The following GPR158 variants were observed in gnomAD, a reference collection of about 807,000 sequenced individuals.
GPR158 encodes G protein-coupled receptor 158, also known as metabotropic glycine receptor.
In GPR158, 30 loss-of-function variants were observed where a neutral mutation model predicts 78.2. That is an observed-to-expected ratio of 0.38 (90% CI 0.29 to 0.52). The LOEUF (loss-of-function observed/expected upper bound fraction) is 0.52. GPR158 is among the 20% of genes least tolerant of loss of function. GPR158 has a pLI of 0.83. For missense variants in GPR158, 1,463 were observed against 1,523.5 expected, an observed-to-expected ratio of 0.96 and a Z score of 0.66; for synonymous variants, 581 against 591.1, an observed-to-expected ratio of 0.98 and a Z score of 0.25.
At chr10:25,223,676 C>G (rs1252878628) in intron 2 of GPR158, among the ~76,000 whole-genome samples, 20 of 152,110 alleles carry the variant, frequency 1.3e-4, no homozygotes. Context: ...TGTAACAACC[C>G]CTCTGTTACC....
At chr10:25,551,257 AAT>A (rs1466752387) in intron 6 of GPR158, among the ~76,000 whole-genome samples, 172 bp downstream of exon 6, 1 of 152,190 alleles carries the variant, frequency 6.6e-6, no homozygotes, top group African/African-American at 2.4e-5. Context: ...TCTTCAGGGA[AAT>A]ATTTAATACA....
At chr10:25,383,079 C>T (rs1404113215) in intron 2 of GPR158, among the ~76,000 whole-genome samples, 4 of 152,274 alleles carry the variant, frequency 2.6e-5, no homozygotes, top group Non-Finnish European at 5.9e-5. Context: ...TGACGATCCA[C>T]CTGCCTCCGT....
intron 5 of GPR158, among the ~76,000 whole-genome samples, chr10:25,532,650 T>C (rs796238159): frequency 7.9e-5 from 12 of 152,056 alleles, no homozygotes; most frequent in African/African-American, 2.7e-4. Flanking sequence ...CATTCCCCAT[T>C]TTAAGAGCCA....
chr10:25,381,880 G>A (rs1484598289), intron 2 of GPR158, among the ~76,000 whole-genome samples: 2 of 152,162 alleles, frequency 1.3e-5, no homozygotes, highest in African/African-American at 4.8e-5. Context: ...TGTAAACAGG[G>A]TAAAGCACAT....
intron 1 of GPR158, among the ~76,000 whole-genome samples, chr10:25,214,977 G>T (rs962161519): frequency 2.0e-5 from 3 of 152,126 alleles, no homozygotes; most frequent in Non-Finnish European, 2.9e-5. Context: ...TATTTTATTT[G>T]CTTGTTGTGT....
At chr10:25,339,036 T>A (rs1171638720) in intron 2 of GPR158, among the ~76,000 whole-genome samples, 1 of 148,610 alleles carries the variant, frequency 6.7e-6, no homozygotes, top group Non-Finnish European at 1.5e-5. Flanking sequence ...TTTTTTTTTT[T>A]AAAGACAGGG....
chr10:25,570,186 T>C (rs1836985498), intron 6 of GPR158, among the ~76,000 whole-genome samples: 1 of 152,194 alleles, frequency 6.6e-6, no homozygotes, highest in Non-Finnish European at 1.5e-5. Flanking sequence ...AAATTTCTCT[T>C]ATTTCTAAGG....
chr10:25,475,101 T>C (rs1208251277), intron 5 of GPR158, among the ~76,000 whole-genome samples: 1 of 152,148 alleles, frequency 6.6e-6, no homozygotes, highest in East Asian at 1.9e-4. Context: ...AAGTGTCAGG[T>C]TACTAAATGT....
intron 4 of GPR158, among the ~76,000 whole-genome samples, chr10:25,430,512 T>C (rs1385906756): frequency 1.3e-5 from 2 of 148,860 alleles, no homozygotes; most frequent in Non-Finnish European, 3.0e-5. Flanking sequence ...AAAAAACTAC[T>C]TTAAAGTTCA....
intron 2 of GPR158, among the ~76,000 whole-genome samples, chr10:25,346,942 T>C (rs1005189768): frequency 1.3e-5 from 2 of 151,980 alleles, no homozygotes; most frequent in African/African-American, 4.8e-5. Context: ...ACCAGTAGTG[T>C]TACCTTGGAA....
chr10:25,473,284 C>G (rs949012111), intron 5 of GPR158, among the ~76,000 whole-genome samples: 1 of 152,088 alleles, frequency 6.6e-6, no homozygotes, highest in Non-Finnish European at 1.5e-5. Flanking sequence ...TTGAACCAGC[C>G]TTGCATCCCA....
intron 1 of GPR158, among the ~76,000 whole-genome samples, chr10:25,201,517 CA>C (rs1458743930): frequency 2.0e-5 from 3 of 152,086 alleles, no homozygotes; most frequent in African/African-American, 7.2e-5. Flanking sequence ...CTGCTCTGGC[CA>C]GCAATTCTAG....
intron 1 of GPR158, among the ~76,000 whole-genome samples, chr10:25,202,259 T>C (rs1003691956): frequency 6.6e-6 from 1 of 151,170 alleles, no homozygotes; most frequent in Admixed American, 6.6e-5. Context: ...AATTTATCCA[T>C]TTTTTTTTAT....
chr10:25,521,980 T>A (rs1019080761), intron 5 of GPR158, among the ~76,000 whole-genome samples: 2 of 152,166 alleles, frequency 1.3e-5, no homozygotes, highest in Non-Finnish European at 2.9e-5. Context: ...ACTTGCTTGA[T>A]CTTCTCTTTT....
intron 4 of GPR158, among the ~76,000 whole-genome samples, chr10:25,429,519 C>T (rs1200881999): frequency 2.6e-5 from 4 of 152,016 alleles, no homozygotes; most frequent in Non-Finnish European, 5.9e-5. Context: ...GATTACCTTT[C>T]CTTAAAACTT....
chr10:25,178,597 A>C (rs886169178), intron 1 of GPR158, among the ~76,000 whole-genome samples: 16 of 152,212 alleles, frequency 1.1e-4, no homozygotes, highest in African/African-American at 3.9e-4. Flanking sequence ...CTTTATAGAC[A>C]AAGATGGTAT....
chr10:25,580,614 T>G (rs11014625), intron 7 of GPR158, among the ~76,000 whole-genome samples: 33,101 of 152,230 alleles, frequency 0.22, 4,581 homozygotes, highest in Non-Finnish European at 0.31. Flanking sequence ...GACTTTCTCG[T>G]ATCTGACAGA....
At chr10:25,563,861 G>C (rs775306973) in intron 6 of GPR158, among the ~76,000 whole-genome samples, 1 of 151,958 alleles carries the variant, frequency 6.6e-6, no homozygotes, top group African/African-American at 2.4e-5. Flanking sequence ...ATCTAATAAG[G>C]TTAATGTCTG....
chr10:25,497,609 G>A (rs893311213), intron 5 of GPR158, among the ~76,000 whole-genome samples: 29 of 152,034 alleles, frequency 1.9e-4, no homozygotes, highest in African/African-American at 6.0e-4. Context: ...CTCTATTCTC[G>A]GTATTTAGTT....
Sources: allele counts gnomAD v4.1 joint callset (sites outside exome capture counted in the v4.1 genomes callset), GRCh38; gene constraint gnomAD v4.1.1; transcripts MANE v1.5; gene names NCBI Gene and HGNC (gene_info 2026-07-23, HGNC 2026-07-21).